Variants in KMT2C observed in about 807,000 individuals in gnomAD.
KMT2C encodes the protein lysine methyltransferase 2C.
A neutral mutation model predicts 507.9 loss-of-function variants in KMT2C; 88 were observed. The ratio of observed to expected loss-of-function variants is 0.17; its 90% CI spans 0.15 to 0.21. The LOEUF (loss-of-function observed/expected upper bound fraction) is 0.21, where lower values mean the gene tolerates loss of function less well. Among genes scored for constraint, KMT2C ranks in the 10% least tolerant of loss-of-function variants. The pLI is 1.00. For missense variants in KMT2C, 4,954 were observed against 5,957.8 expected, an observed-to-expected ratio of 0.83 and a Z score of 5.55; for synonymous variants, 2,049 against 2,080.8, an observed-to-expected ratio of 0.98 and a Z score of 0.42.
At chr7:152,425,150 ACTT>A (rs1299137433) in intron 1 of KMT2C, among the ~76,000 whole-genome samples, 1 of 152,134 alleles carries the variant, frequency 6.6e-6, no homozygotes, top group African/African-American at 2.4e-5. Context: ...TTAATATATG[ACTT>A]CTAGTATTCC....
intron 1 of KMT2C, among the ~76,000 whole-genome samples, chr7:152,384,036 A>G (rs2360213): frequency 6.9e-5 from 10 of 145,168 alleles, no homozygotes; most frequent in African/African-American, 2.8e-4. Flanking sequence ...AGAGGCAGAC[A>G]TGTGTGTCTG....
chr7:152,170,625 C>T (rs1462844353), intron 40 of KMT2C, among the ~76,000 whole-genome samples: 1 of 152,162 alleles, frequency 6.6e-6, no homozygotes, highest in African/African-American at 2.4e-5. Context: ...GCCTCAGTCT[C>T]CCAAGTAGCT....
intron 3 of KMT2C, among the ~76,000 whole-genome samples, chr7:152,326,341 T>A (rs1187566576): frequency 6.6e-6 from 1 of 152,176 alleles, no homozygotes; most frequent in Non-Finnish European, 1.5e-5. Flanking sequence ...ATGTCTGTGA[T>A]CCTTAATCTT....
intron 16 of KMT2C, among the ~76,000 whole-genome samples, chr7:152,232,456 T>C (rs2095147752): frequency 1.3e-5 from 2 of 152,224 alleles, no homozygotes; most frequent in Admixed American, 6.5e-5. Flanking sequence ...TATAAAAACA[T>C]GCAAAGTCAT....
At chr7:152,215,266 C>T (rs1451892432) in intron 23 of KMT2C, among the ~76,000 whole-genome samples, 2 of 151,956 alleles carry the variant, frequency 1.3e-5, no homozygotes, top group African/African-American at 4.8e-5. Flanking sequence ...GTAATCCCAG[C>T]ACTTTGGGAG....
At chr7:152,345,060 AAAGAAC>A (rs1459819044) in intron 2 of KMT2C, among the ~76,000 whole-genome samples, 1 of 152,040 alleles carries the variant, frequency 6.6e-6, no homozygotes, top group Non-Finnish European at 1.5e-5. Context: ...AAATATGAAC[AAAGAAC>A]AAGGACAATA....
intron 29 of KMT2C, 80 bp from the exon 30 acceptor site, chr7:152,194,341 A>C: frequency 7.2e-7 from 1 of 1,389,088 alleles, no homozygotes; most frequent in East Asian, 2.3e-5. Flanking sequence ...TTTAACTGAC[A>C]GAAATAATTA....
chr7:152,229,688 C>T (rs945318515), intron 18 of KMT2C, among the ~76,000 whole-genome samples: 1 of 152,010 alleles, frequency 6.6e-6, no homozygotes, highest in Non-Finnish European at 1.5e-5. Context: ...AAATTAAATG[C>T]ATATATTTTT....
At chr7:152,260,952 C>T (rs868289697) in intron 9 of KMT2C, among the ~76,000 whole-genome samples, 20 of 152,288 alleles carry the variant, frequency 1.3e-4, no homozygotes, top group Middle Eastern at 6.8e-3. Flanking sequence ...CATTTACATT[C>T]ACAAAATGAG....
intron 3 of KMT2C, among the ~76,000 whole-genome samples, chr7:152,318,040 A>G (rs955741286): frequency 2.0e-5 from 3 of 152,118 alleles, no homozygotes; most frequent in Non-Finnish European, 4.4e-5. Flanking sequence ...CGGGAGGCTG[A>G]GGCAGGAGAA....
intron 30 of KMT2C, 30 bp downstream of exon 30, chr7:152,194,199 T>G: frequency 5.1e-6 from 8 of 1,556,516 alleles, no homozygotes; most frequent in Non-Finnish European, 6.9e-6. Context: ...AACGCCATTT[T>G]CATTAACTAG....
rs1459108586 is a variant in KMT2C at position 152,158,877 on chromosome 7, T to C, written c.11656A>G (p.Thr3886Ala). The C allele has an allele frequency of 1.9e-6, 3 of 1,613,966 alleles. No individual in the cohort carries two copies. Among genetic ancestry groups the C allele is most frequent in the Non-Finnish European group, 2.5e-6 (3 of 1,179,924 alleles). ...CTCACCCTCACCTGTTTCAAGTGGG[T>C]AAACGTGTCAGTGCTAGAGTACATA... is the stretch of plus-strand genomic sequence containing the variant. ...QAMYSSTDTF[T>A]HLKQQNNLSN... The change falls in exon 44 of 59, where the codon ACC becomes GCC. Residue 3886 changes from threonine to alanine, a missense_variant. Around this residue, in one of 29 missense-constraint regions of KMT2C, gnomAD observed 801 missense variants for 751.2 expected, o/e 1.07. Coordinates refer to ENST00000262189, the MANE Select transcript of KMT2C (RefSeq NM_170606.3).
intron 7 of KMT2C, among the ~76,000 whole-genome samples, chr7:152,270,212 G>A (rs1351886853): frequency 4.6e-5 from 7 of 152,106 alleles, no homozygotes; most frequent in Non-Finnish European, 7.4e-5. Context: ...AGGCTAGACC[G>A]TATCATTGGC....
intron 1 of KMT2C, among the ~76,000 whole-genome samples, chr7:152,391,227 GTT>G (rs753812509): frequency 7.1e-6 from 1 of 140,328 alleles, no homozygotes; most frequent in Non-Finnish European, 1.5e-5. Flanking sequence ...GTTTTTTGTC[GTT>G]GTTTGTTTTT....
chr7:152,177,618 G>C lies in KMT2C; in HGVS notation c.7835C>G (p.Pro2612Arg), dbSNP rs755530151. 1 of 1,614,132 alleles carries C rather than the reference G, an allele frequency of 6.2e-7. No homozygotes were observed. ...AGGTAGCTGATTAGGTAGACCCTGG[G>C]GAGGTCGTCGCATGGGGTCTGTGTG... Reference protein sequence around the residue: ...PRHTDPMRRPPQGLPNQLPVH... With the variant: ...PRHTDPMRRPRQGLPNQLPVH... Residue 2612 changes from proline (P) to arginine (R), a missense_variant, in exon 38 of 59, where the codon CCC (proline) becomes CGC (arginine). Pro to Arg is a moderately radical substitution (Grantham distance 103). Coordinates refer to ENST00000262189, the MANE Select transcript of KMT2C (RefSeq NM_170606.3).
At chr7:152,172,283 C>G (rs2092996953) in intron 39 of KMT2C, among the ~76,000 whole-genome samples, 1 of 152,146 alleles carries the variant, frequency 6.6e-6, no homozygotes, top group East Asian at 1.9e-4. Context: ...TTCTAAAAAG[C>G]AGTCAGTAGA....
At chr7:152,336,019 C>G (rs1431878028) in intron 2 of KMT2C, among the ~76,000 whole-genome samples, 1 of 151,952 alleles carries the variant, frequency 6.6e-6, no homozygotes, top group Non-Finnish European at 1.5e-5. Flanking sequence ...CTTTTCTCCT[C>G]TAGCTATTAT....
chr7:152,193,778 T>A (rs1159922826), intron 31 of KMT2C, among the ~76,000 whole-genome samples: 1 of 152,132 alleles, frequency 6.6e-6, no homozygotes, highest in Non-Finnish European at 1.5e-5. Context: ...GGGCAGGCAC[T>A]GTTACATCCT....
intron 1 of KMT2C, among the ~76,000 whole-genome samples, chr7:152,411,800 AAGG>A (rs2097687499): frequency 2.6e-5 from 4 of 152,306 alleles, no homozygotes; most frequent in African/African-American, 9.6e-5. Context: ...TAAATAATAA[AAGG>A]GAAACGAACG....
Sources: allele counts gnomAD v4.1 joint callset (sites outside exome capture counted in the v4.1 genomes callset), GRCh38; gene constraint gnomAD v4.1.1; regional missense constraint gnomAD v4.1.1; transcripts MANE v1.5; gene names NCBI Gene and HGNC (gene_info 2026-07-23, HGNC 2026-07-21).